Variants in FAM171A1 observed in about 807,000 individuals in gnomAD.
The protein encoded by FAM171A1 is protein FAM171A1.
A neutral mutation model predicts 74.9 loss-of-function variants in FAM171A1; 23 were observed. The observed-to-expected ratio is 0.31, with a 90% CI of 0.22 to 0.44. The LOEUF is 0.44. Among genes scored for constraint, FAM171A1 ranks in the 20% least tolerant of loss-of-function variants. The pLI, the probability that FAM171A1 is intolerant of heterozygous loss-of-function variation, is 1.00. For missense variants in FAM171A1, 1,162 were observed against 1,159.2 expected, an observed-to-expected ratio of 1.00 and a Z score of -0.03; for synonymous variants, 527 against 505.7, an observed-to-expected ratio of 1.04 and a Z score of -0.57.
chr10:15,354,621 C>A (rs1835913631), intron 1 of FAM171A1, among the ~76,000 whole-genome samples: 1 of 152,218 alleles, frequency 6.6e-6, no homozygotes, highest in South Asian at 2.1e-4. Flanking sequence ...TAAGTCCTTT[C>A]TCCAACAGCA....
At position 15,287,091 on chromosome 10, in the gene FAM171A1, CT is replaced by C. The variant is rs145921203; in HGVS notation, c.98-2987del. On this transcript the variant is annotated intron_variant, in intron 1 of 7. Transcript: ENST00000378116. ...ACACATACACACACATTTTCTTCTT[CT>C]TTTTTTTTTTTTTTTTTGAGATGGA... 8.2e-3 allele frequency among the ~76,000 whole-genome samples: 1,056 copies of C among 129,476 alleles called. 6 individuals carry two copies. The highest frequency in any genetic ancestry group is 0.024 in the African/African-American group (822 of 34,168). 84.9% of individuals were successfully genotyped at this position (129,476 alleles called of 152,430 possible).
At chr10:15,329,798 T>C (rs1000122197) in intron 1 of FAM171A1, among the ~76,000 whole-genome samples, 2 of 152,044 alleles carry the variant, frequency 1.3e-5, no homozygotes, top group Admixed American at 6.6e-5. Flanking sequence ...GAGAACTAAG[T>C]AGACAGAAAG....
intron 3 of FAM171A1, among the ~76,000 whole-genome samples, chr10:15,270,775 T>A (rs1195647141): frequency 6.6e-6 from 1 of 152,204 alleles, no homozygotes; most frequent in Non-Finnish European, 1.5e-5. Flanking sequence ...GAGTCTGTAG[T>A]GGACCTTTAG....
intron 3 of FAM171A1, among the ~76,000 whole-genome samples, chr10:15,260,913 T>G (rs1834647617): frequency 1.3e-5 from 2 of 152,196 alleles, no homozygotes; most frequent in South Asian, 4.1e-4. Flanking sequence ...TCTGAACCAC[T>G]GCACTATATA....
chr10:15,287,890 T>C (rs942860933), intron 1 of FAM171A1, among the ~76,000 whole-genome samples: 1 of 152,200 alleles, frequency 6.6e-6, no homozygotes, highest in Non-Finnish European at 1.5e-5. Context: ...CTGTACCCAA[T>C]GGGTAGTCTT....
At chr10:15,356,374 C>T (rs1260388480) in intron 1 of FAM171A1, among the ~76,000 whole-genome samples, 1 of 151,886 alleles carries the variant, frequency 6.6e-6, no homozygotes. Context: ...AAAGATACAA[C>T]CAATTTGGGA....
chr10:15,310,668 C>T (rs939974557), intron 1 of FAM171A1, among the ~76,000 whole-genome samples: 1 of 152,076 alleles, frequency 6.6e-6, no homozygotes, highest in Non-Finnish European at 1.5e-5. Flanking sequence ...TCGAGACCAG[C>T]CTGGCCAACA....
At chr10:15,242,175 C>T (rs1834371841) in intron 5 of FAM171A1, among the ~76,000 whole-genome samples, 1 of 152,066 alleles carries the variant, frequency 6.6e-6, no homozygotes. Context: ...TTGGCCCATT[C>T]CCCATTTTTT....
At chr10:15,311,749 C>A (rs1234589375) in intron 1 of FAM171A1, among the ~76,000 whole-genome samples, 1 of 152,128 alleles carries the variant, frequency 6.6e-6, no homozygotes, top group Non-Finnish European at 1.5e-5. Flanking sequence ...CCTGGAAGAA[C>A]AGAAGCACCT....
intron 1 of FAM171A1, among the ~76,000 whole-genome samples, chr10:15,317,373 C>A (rs893246643): frequency 1.3e-5 from 2 of 152,006 alleles, no homozygotes; most frequent in Non-Finnish European, 2.9e-5. Flanking sequence ...AGTCTGGTTG[C>A]GCTCATATTT....
intron 4 of FAM171A1, among the ~76,000 whole-genome samples, chr10:15,251,285 A>G (rs1462481476): frequency 6.6e-6 from 1 of 152,032 alleles, no homozygotes; most frequent in Non-Finnish European, 1.5e-5. Flanking sequence ...CATTGTGGGG[A>G]ATTATATCTG....
chr10:15,332,677 T>C (rs1401613123), intron 1 of FAM171A1, among the ~76,000 whole-genome samples: 1 of 152,212 alleles, frequency 6.6e-6, no homozygotes, highest in Non-Finnish European at 1.5e-5. Context: ...CAGAGACTCA[T>C]TGCACTGACT....
intron 1 of FAM171A1, among the ~76,000 whole-genome samples, chr10:15,335,538 G>C (rs181552534): frequency 1.3e-5 from 2 of 152,256 alleles, no homozygotes; most frequent in East Asian, 1.9e-4. Flanking sequence ...CAAAACATGG[G>C]CCAAGGGAGA....
intron 1 of FAM171A1, among the ~76,000 whole-genome samples, chr10:15,290,550 G>A: frequency 6.6e-6 from 1 of 152,088 alleles, no homozygotes; most frequent in Non-Finnish European, 1.5e-5. Flanking sequence ...GCCAACTGTG[G>A]GGGTGTACAA....
intron 4 of FAM171A1, among the ~76,000 whole-genome samples, chr10:15,251,071 A>C (rs1418870284): frequency 6.6e-6 from 1 of 152,134 alleles, no homozygotes; most frequent in Non-Finnish European, 1.5e-5. Context: ...AAGTGACTTC[A>C]TTCCTCTGGG....
chr10:15,323,704 G>C (rs1835515711), intron 1 of FAM171A1, among the ~76,000 whole-genome samples: 3 of 152,048 alleles, frequency 2.0e-5, no homozygotes, highest in Non-Finnish European at 1.5e-5. Context: ...TCCACAATCA[G>C]AACAGTTTTG....
intron 1 of FAM171A1, among the ~76,000 whole-genome samples, chr10:15,369,794 G>A (rs1836112397): frequency 6.6e-6 from 1 of 152,220 alleles, no homozygotes; most frequent in African/African-American, 2.4e-5. Flanking sequence ...GAGACCCTCG[G>A]ATGCAGCACT....
chr10:15,306,393 C>CTT (rs1835295641), intron 1 of FAM171A1, among the ~76,000 whole-genome samples: 2 of 150,302 alleles, frequency 1.3e-5, no homozygotes, highest in African/African-American at 4.9e-5. Context: ...GAGAGACAGT[C>CTT]TTGCTCTGTC....
Position 15,345,286 on chromosome 10 carries a change from G to C in FAM171A1, c.97+25670C>G, listed in dbSNP as rs1450055141. ...GAGACAGACATGAAGATGTGCACCAGCAATTGCAATCTGGGGCGGGAAGTG... is the reference window on the plus strand; with the variant it reads ...GAGACAGACATGAAGATGTGCACCACCAATTGCAATCTGGGGCGGGAAGTG... On this transcript the variant is annotated intron_variant, in intron 1 of 7. Transcript: ENST00000378116. Among the ~76,000 whole-genome samples, 6 of 152,196 alleles carry C rather than the reference G, an allele frequency of 3.9e-5. No individual in the cohort carries two copies. In the East Asian group the frequency reaches 1.2e-3, roughly 29 times the overall value.
Sources: gnomAD v4.1 joint callset for allele counts (sites outside exome capture counted in the v4.1 genomes callset) on GRCh38, gnomAD v4.1.1 for gene constraint, MANE v1.5 for transcripts, NCBI Gene and HGNC (gene_info 2026-07-23, HGNC 2026-07-21) for gene names.